The following PHACTR2 variants were observed in gnomAD, a reference collection of about 807,000 sequenced individuals.
The protein encoded by PHACTR2 is phosphatase and actin regulator 2, also known as chromosome 6 open reading frame 56.
In PHACTR2, 30 loss-of-function variants were observed where a neutral mutation model predicts 76.0. The observed-to-expected ratio is 0.39, with a 90% CI of 0.30 to 0.54. The LOEUF (loss-of-function observed/expected upper bound fraction) is 0.54. Among genes scored for constraint, PHACTR2 ranks in the 20% least tolerant of loss-of-function variants. The probability of loss-of-function intolerance (pLI) is 0.61; values close to 1 mark genes in which losing one functional copy is unlikely to be tolerated. For synonymous variants in PHACTR2, 292 were observed against 292.5 expected, an observed-to-expected ratio of 1.00 and a Z score of 0.02; for missense variants, 696 against 781.1, an observed-to-expected ratio of 0.89 and a Z score of 1.30.
At chr6:143,737,519 AGCCTTT>A in intron 2 of PHACTR2, among the ~76,000 whole-genome samples, 1 of 152,192 alleles carries the variant, frequency 6.6e-6, no homozygotes, top group Non-Finnish European at 1.5e-5. Context: ...TACATTTCAT[AGCCTTT>A]CAGTCTTCAA....
rs1345173900 is a variant in PHACTR2, at chr6:143,730,374, A to G, written c.214+18191A>G. On this transcript the variant is annotated intron_variant, in intron 2 of 12. Transcript: ENST00000440869. This position sits in a 1 kb window ranked among gnomAD's most constrained non-coding sequence, Gnocchi z 4.8. Reference sequence around the variant, plus strand: ...TTTATTAGCTTTTGAAGTTTTTAGAAAACAGTTAATAAGTTTATACTTCAG... The same window carrying G: ...TTTATTAGCTTTTGAAGTTTTTAGAGAACAGTTAATAAGTTTATACTTCAG... 6.6e-6 allele frequency among the ~76,000 whole-genome samples: 1 copy of G among 152,098 alleles called. No homozygotes were observed. The highest frequency in any genetic ancestry group is 1.5e-5 in the Non-Finnish European group (1 of 68,004).
chr6:143,773,934 T>C, intron 7 of PHACTR2, 125 bp from the exon 8 acceptor site: 1 of 643,762 alleles, frequency 1.6e-6, no homozygotes, highest in Non-Finnish European at 2.6e-6. Flanking sequence ...TTAATTAAGA[T>C]TCTCCTCCTG....
At chr6:143,574,427 A>G (rs1775482498) in intron 1 of PHACTR2, among the ~76,000 whole-genome samples, 1 of 152,224 alleles carries the variant, frequency 6.6e-6, no homozygotes, top group Non-Finnish European at 1.5e-5. Flanking sequence ...ATGCTACCTT[A>G]AAAGTTCCTG....
rs1183384379 is a variant in PHACTR2, at chr6:143,776,985, G to A, written c.1590-343G>A. Among the ~76,000 whole-genome samples the A allele has an allele frequency of 6.6e-6, 1 of 152,148 alleles. No homozygotes were observed. The highest frequency in any genetic ancestry group is 1.5e-5 in the Non-Finnish European group (1 of 68,020). On this transcript the variant is annotated intron_variant, in intron 8 of 12. Coordinates refer to ENST00000440869, the MANE Select transcript of PHACTR2 (RefSeq NM_001100164.2). The surrounding 1 kb of genome is among the most constrained non-coding windows in gnomAD (Gnocchi z 5.3). Reference sequence around the variant, plus strand: ...CACCCAGGCATTTTAAGGATGAGAAGGGGAAGTAACAAACATCATTCTGCT... The same window carrying A: ...CACCCAGGCATTTTAAGGATGAGAAAGGGAAGTAACAAACATCATTCTGCT...
In PHACTR2 at chr6:143,656,255, A is replaced by G. The variant is rs1367446647; in HGVS notation, c.13+47933A>G. Among the ~76,000 whole-genome samples, 1 of 152,108 alleles carries G rather than the reference A, an allele frequency of 6.6e-6. No homozygotes were observed. Among genetic ancestry groups the G allele is most frequent in the African/African-American group, 2.4e-5 (1 of 41,418 alleles). ...TTCCTCTGACCTTGGCAACTCAGTT[A>G]CCTCCTGTGAGCCTAAGCTTTCTTG... On this transcript the variant is annotated intron_variant, in intron 1 of 11. Coordinates refer to the PHACTR2 transcript ENST00000305766. This position sits in a 1 kb window ranked among gnomAD's most constrained non-coding sequence, Gnocchi z 5.3.
In PHACTR2 at chr6:143,712,109, C is replaced by G. The variant is rs1361607959; in HGVS notation, c.140C>G (p.Thr47Ser). The G allele has an allele frequency of 5.0e-6, 8 of 1,592,664 alleles. No homozygotes were observed. The African/African-American group carries it at 1.1e-4, about 22-fold the overall frequency. The change falls in exon 2 of 13, where the codon ACC (threonine) becomes AGC (serine). Residue 47 changes from threonine to serine, a missense_variant. Around this residue, in one of 2 missense-constraint regions of PHACTR2, gnomAD observed 460 missense variants for 450.9 expected, o/e 1.02. Transcript: ENST00000440869. ...PPFKRKGKLS[T>S]IGKIFKPWKW... ...TTCAAAAGAAAGGGGAAACTATCCA[C>G]CATTGGTAAAATCTTTAAGCCTTGG...
chr6:143,578,406 C>A lies in PHACTR2; in HGVS notation c.217+41199C>A, dbSNP rs1775536236. On this transcript the variant is annotated intron_variant, in intron 1 of 11. Coordinates refer to the PHACTR2 transcript ENST00000367584. The surrounding 1 kb of genome is among the most constrained non-coding windows in gnomAD (Gnocchi z 4.5). ...AAGAGAATAGATACGTGGCATTAGG[C>A]TTTCCCCATAAGAAAGGTTGAGCAT... Among the ~76,000 whole-genome samples the A allele has an allele frequency of 6.6e-6, 1 of 152,142 alleles. No individual in the cohort carries two copies. The highest frequency in any genetic ancestry group is 6.5e-5 in the Admixed American group (1 of 15,282).
chr6:143,606,548 A>G (rs998271881), upstream of PHACTR2, among the ~76,000 whole-genome samples: 7 of 152,250 alleles, frequency 4.6e-5, no homozygotes, highest in Admixed American at 1.3e-4. Context: ...GGCACTGCCA[A>G]TAGATGAGAC....
chr6:143,769,935 A>T (rs1433632906), intron 6 of PHACTR2, among the ~76,000 whole-genome samples: 2 of 152,190 alleles, frequency 1.3e-5, no homozygotes, highest in Admixed American at 1.3e-4. Context: ...CACTGTGGAA[A>T]ACAGTATGGT....
Position 143,598,548 on chromosome 6 carries a change from A to T in PHACTR2, c.217+61341A>T, listed in dbSNP as rs1422504071. 1.3e-5 allele frequency among the ~76,000 whole-genome samples: 2 copies of T among 152,192 alleles called. No individual in the cohort carries two copies. Among genetic ancestry groups the T allele is most frequent in the African/African-American group, 4.8e-5 (2 of 41,448 alleles). ...AGCAACAGGAAACTAATACTGATGA[A>T]AAGATAATAGGAAAGGAAAGTAAAA... On this transcript the variant is annotated intron_variant, in intron 1 of 11. Transcript: ENST00000367584. The surrounding 1 kb of genome is among the most constrained non-coding windows in gnomAD (Gnocchi z 4.1).
chr6:143,563,569 A>G (rs893332518), intron 1 of PHACTR2, among the ~76,000 whole-genome samples: 6 of 151,820 alleles, frequency 4.0e-5, no homozygotes, highest in Non-Finnish European at 4.4e-5. Flanking sequence ...AAAAAAAAAA[A>G]AAGAAGAAAC....
rs183380765 is a variant in PHACTR2 at position 143,583,540 on chromosome 6, G to A, written c.217+46333G>A. On this transcript the variant is annotated intron_variant, in intron 1 of 11. Transcript: ENST00000367584. The surrounding 1 kb of genome is among the most constrained non-coding windows in gnomAD (Gnocchi z 4.0). Reference sequence around the variant, plus strand: ...TAGAATACAAATACTGTTGAATGGTGCAGCAACAGAGCTGTACAACACCTT... The same window carrying A: ...TAGAATACAAATACTGTTGAATGGTACAGCAACAGAGCTGTACAACACCTT... 4.6e-5 allele frequency among the ~76,000 whole-genome samples: 7 copies of A among 152,366 alleles called. No homozygotes were observed. The highest frequency in any genetic ancestry group is 2.6e-4 in the Admixed American group (4 of 15,310).
rs12527647 is a variant in PHACTR2 at position 143,558,134 on chromosome 6, A to T, written c.217+20927A>T. 6.6e-6 allele frequency: 1 copy of T among 152,110 alleles called. No individual in the cohort carries two copies. Among genetic ancestry groups the T allele is most frequent in the Non-Finnish European group, 1.5e-5 (1 of 68,014 alleles). The allele number at this position is 152,110 out of a possible 1,614,324, so 9.4% of individuals were successfully genotyped here. A position where few individuals can be genotyped will look rare whatever the true frequency, so the allele number is the denominator to read the frequency against. ...CATTTTTGCCCTGGATCCAGCGCCT[A>T]TAGATGGAAAGAGATTTATAAGAAA... On this transcript the variant is annotated intron_variant, in intron 1 of 11. Transcript: ENST00000367584. This position sits in a 1 kb window ranked among gnomAD's most constrained non-coding sequence, Gnocchi z 4.7.
rs1454468620 is a variant in PHACTR2, at chr6:143,695,009, CT to C, written c.46+16801del. ...ATTTTATTGAAAAAGGTCCCTCAAG[CT>C]GGTTAAGCACACAAATAAGAATTGG... On this transcript the variant is annotated intron_variant, in intron 1 of 12. Transcript: ENST00000440869. This position sits in a 1 kb window ranked among gnomAD's most constrained non-coding sequence, Gnocchi z 4.4. Among the ~76,000 whole-genome samples the C allele has an allele frequency of 6.6e-6, 1 of 152,184 alleles. No homozygotes were observed. Among genetic ancestry groups the C allele is most frequent in the Admixed American group, 6.5e-5 (1 of 15,282 alleles).
chr6:143,673,350 G>A (rs1777189792), upstream of PHACTR2, among the ~76,000 whole-genome samples: 1 of 151,354 alleles, frequency 6.6e-6, no homozygotes, highest in Non-Finnish European at 1.5e-5. Flanking sequence ...GTCCATACTT[G>A]GAAGTTACCA....
intron 1 of PHACTR2, 49 bp from the exon 2 acceptor site, chr6:143,711,967 T>C (rs1267994242): frequency 6.4e-7 from 1 of 1,554,852 alleles, no homozygotes; most frequent in Admixed American, 1.7e-5. Flanking sequence ...TGTGGTTTTA[T>C]TACAACCTTT....
chr6:143,806,648 T>C lies in PHACTR2; in HGVS notation c.1846-409T>C, dbSNP rs1455139688. Reference sequence around the variant, plus strand: ...TTTGGCTATAGTATGATATTATATTTATTACACCTTAAAAGAATGTCTAAG... The same window carrying C: ...TTTGGCTATAGTATGATATTATATTCATTACACCTTAAAAGAATGTCTAAG... On this transcript the variant is annotated intron_variant, in intron 11 of 12. Transcript: ENST00000440869. The surrounding 1 kb of genome is among the most constrained non-coding windows in gnomAD (Gnocchi z 5.8). 6.6e-6 allele frequency among the ~76,000 whole-genome samples: 1 copy of C among 152,152 alleles called. No homozygotes were observed. The highest frequency in any genetic ancestry group is 1.9e-4 in the East Asian group (1 of 5,202).
In PHACTR2 at chr6:143,671,972, A is replaced by G. The variant is rs915871634; in HGVS notation, c.14-40044A>G. ...CATATGAAACAAGCCAGATTAAAAA[A>G]AACTGTACATAATATTATTCCATTT... On this transcript the variant is annotated intron_variant, in intron 1 of 11. Coordinates refer to the PHACTR2 transcript ENST00000305766. The surrounding 1 kb of genome is among the most constrained non-coding windows in gnomAD (Gnocchi z 4.6). 2.0e-5 allele frequency among the ~76,000 whole-genome samples: 3 copies of G among 147,332 alleles called. No individual in the cohort carries two copies. The highest frequency in any genetic ancestry group is 4.6e-5 in the Non-Finnish European group (3 of 64,880).
rs1311765298 is a variant in PHACTR2 at position 143,599,383 on chromosome 6, T to A, written c.217+62176T>A. Among the ~76,000 whole-genome samples, 2 of 152,198 alleles carry A rather than the reference T, an allele frequency of 1.3e-5. No individual in the cohort carries two copies. The highest frequency in any genetic ancestry group is 2.9e-5 in the Non-Finnish European group (2 of 68,032). On this transcript the variant is annotated intron_variant, in intron 1 of 11. Transcript: ENST00000367584. The surrounding 1 kb of genome is among the most constrained non-coding windows in gnomAD (Gnocchi z 4.6). ...CATTTTTAGGAATTTTGGCCCTGCC[T>A]GGACCACACTGTTTATTGATTCATC...
Sources: allele counts gnomAD v4.1 joint callset (sites outside exome capture counted in the v4.1 genomes callset), GRCh38; gene constraint gnomAD v4.1.1; regional missense constraint gnomAD v4.1.1; non-coding constraint Gnocchi (gnomAD v3.1); transcripts MANE v1.5; gene names NCBI Gene and HGNC (gene_info 2026-07-23, HGNC 2026-07-21).